LRRIQ1: variants seen among roughly 807,000 people sequenced by gnomAD.
LRRIQ1 encodes leucine-rich repeat- and IQ domain-containing protein 1.
In LRRIQ1, 210 loss-of-function variants were observed where a neutral mutation model predicts 211.9. The observed-to-expected ratio is 0.99, with a 90% CI of 0.89 to 1.11. The LOEUF (loss-of-function observed/expected upper bound fraction) is 1.11. Among genes scored for constraint, LRRIQ1 ranks in the 50% most tolerant of loss-of-function variants. The probability of loss-of-function intolerance (pLI) is 0.00; values close to 1 mark genes in which losing one functional copy is unlikely to be tolerated. For missense variants in LRRIQ1, 2,136 were observed against 1,939.5 expected, an observed-to-expected ratio of 1.10 and a Z score of -1.90; for synonymous variants, 699 against 650.1, an observed-to-expected ratio of 1.08 and a Z score of -1.14.
At chr12:85,195,937 A>G (rs1036665912) in intron 24 of LRRIQ1, among the ~76,000 whole-genome samples, 3 of 151,796 alleles carry the variant, frequency 2.0e-5, no homozygotes, top group Middle Eastern at 3.2e-3. Context: ...CCATCGTCTC[A>G]GCCCAAAATC....
chr12:85,127,188 A>G (rs962051891), intron 17 of LRRIQ1, among the ~76,000 whole-genome samples: 1 of 152,258 alleles, frequency 6.6e-6, no homozygotes, highest in African/African-American at 2.4e-5. Flanking sequence ...TACATTTTAA[A>G]TCACGTTTTG....
intron 24 of LRRIQ1, among the ~76,000 whole-genome samples, 180 bp downstream of exon 24, chr12:85,160,894 G>A (rs1469565790): frequency 6.6e-6 from 1 of 151,872 alleles, no homozygotes; most frequent in Non-Finnish European, 1.5e-5. Context: ...TTAGTGTGCT[G>A]AAATATTGAT....
At chr12:85,111,770 C>G (rs936113145) in intron 15 of LRRIQ1, among the ~76,000 whole-genome samples, 5 of 151,842 alleles carry the variant, frequency 3.3e-5, no homozygotes. Context: ...ATCAGCAAAC[C>G]GATAAGAGAT....
chr12:85,081,678 A>G (rs1236465165), intron 11 of LRRIQ1, among the ~76,000 whole-genome samples: 1 of 136,644 alleles, frequency 7.3e-6, no homozygotes, highest in Non-Finnish European at 1.6e-5. Flanking sequence ...GTTTAATTAT[A>G]TTTGCTGACA....
At chr12:85,123,838 TC>T (rs1888160108) in intron 16 of LRRIQ1, among the ~76,000 whole-genome samples, 1 of 152,158 alleles carries the variant, frequency 6.6e-6, no homozygotes, top group Admixed American at 6.5e-5. Flanking sequence ...TCCTAAAACT[TC>T]CAGACATTTT....
At chr12:85,209,130 A>G (rs1467607992) in intron 24 of LRRIQ1, among the ~76,000 whole-genome samples, 8 of 152,142 alleles carry the variant, frequency 5.3e-5, no homozygotes, top group Non-Finnish European at 1.0e-4. Context: ...ACTTTTCTCA[A>G]TCTCATTTGA....
At chr12:85,257,047 T>TATATATATAATTATATAATTATATAA (rs1565931229) in intron 1 of LRRIQ1, among the ~76,000 whole-genome samples, 23 of 108,638 alleles carry the variant, frequency 2.1e-4, no homozygotes, top group South Asian at 6.8e-4. Context: ...ATTATATAAT[T>TATATATATAATTATATAATTATATAA]ATATATATAA....
chr12:85,232,357 CA>C (rs1764082777), intron 25 of LRRIQ1, among the ~76,000 whole-genome samples: 2 of 152,038 alleles, frequency 1.3e-5, no homozygotes, highest in Admixed American at 1.3e-4. Flanking sequence ...ACGACTAAAA[CA>C]TGTAAGCAAA....
intron 11 of LRRIQ1, among the ~76,000 whole-genome samples, chr12:85,083,355 A>C (rs1884489465): frequency 6.6e-6 from 1 of 152,102 alleles, no homozygotes; most frequent in Non-Finnish European, 1.5e-5. Flanking sequence ...AAAAAAGATG[A>C]CTTTTTAGTT....
At chr12:85,085,120 C>G (rs186447736) in intron 11 of LRRIQ1, among the ~76,000 whole-genome samples, 1 of 151,990 alleles carries the variant, frequency 6.6e-6, no homozygotes, top group East Asian at 1.9e-4. Flanking sequence ...GTGTTTCCCC[C>G]GCCCCCCAAT....
At position 85,262,970 on chromosome 12, in the gene LRRIQ1, T is replaced by C. The variant is rs978118034; in HGVS notation, c.177T>C (p.Ser59=). The change falls in exon 2 of 2, where the codon TCT becomes TCC. Residue 59 remains serine (S), a synonymous_variant. Coordinates refer to the LRRIQ1 transcript ENST00000602731. ...CAATAATAACAAATACAAGACCTTCTAAAAAAGAACGTATATCATTCCGAG... is the reference window on the plus strand; with the variant it reads ...CAATAATAACAAATACAAGACCTTCCAAAAAAGAACGTATATCATTCCGAG... 1.2e-5 allele frequency: 12 copies of C among 987,422 alleles called. No individual in the cohort carries two copies. The African/African-American group carries it at 1.7e-4, about 14-fold the overall frequency. 61.2% of individuals were successfully genotyped at this position (987,422 alleles called of 1,614,324 possible). A position where few individuals can be genotyped will look rare whatever the true frequency, so the allele number is the denominator to read the frequency against.
At chr12:85,047,982 TGGTG>T in intron 6 of LRRIQ1, 1 of 151,876 alleles carries the variant, frequency 6.6e-6, no homozygotes, top group Non-Finnish European at 1.5e-5. Flanking sequence ...TATGTGTTGT[TGGTG>T]TTGTTTTCCC....
intron 25 of LRRIQ1, among the ~76,000 whole-genome samples, chr12:85,230,500 A>G (rs1894881439): frequency 1.3e-5 from 2 of 152,286 alleles, no homozygotes; most frequent in South Asian, 4.1e-4. Flanking sequence ...ATATGATCTT[A>G]TCTACCTTAT....
chr12:85,263,821 A>G (rs1278308695), exon 2 of LRRIQ1: 1 of 152,038 alleles, frequency 6.6e-6, no homozygotes, highest in African/African-American at 2.4e-5. Context: ...AGTTCAACTT[A>G]CCATTTTGTA....
At chr12:85,241,947 C>T (rs1895479861) in intron 26 of LRRIQ1, among the ~76,000 whole-genome samples, 1 of 151,916 alleles carries the variant, frequency 6.6e-6, no homozygotes, top group Non-Finnish European at 1.5e-5. Flanking sequence ...AATCCAAATG[C>T]TTGGAAAGTC....
In LRRIQ1 at chr12:85,217,488, ATATG is replaced by A. The variant is rs1217384651; in HGVS notation, c.4823-12025_4823-12022del. On this transcript the variant is annotated intron_variant, in intron 24 of 26. Transcript: ENST00000393217. ...GAAGTATATATATATATATATATAT[ATATG>A]TATATATATATATATATGTGTGTGT... is the stretch of plus-strand genomic sequence containing the variant. 5.3e-3 allele frequency among the ~76,000 whole-genome samples: 469 copies of A among 87,736 alleles called. 9 individuals carry two copies. Among genetic ancestry groups the A allele is most frequent in the East Asian group, 8.0e-3 (25 of 3,110 alleles). The allele number at this position is 87,736 out of a possible 152,430, so 57.6% of individuals were successfully genotyped here. A position where few individuals can be genotyped will look rare whatever the true frequency, so the allele number is the denominator to read the frequency against.
At position 85,098,865 on chromosome 12, in the gene LRRIQ1, A is replaced by T; in HGVS notation, c.3082-2A>T. The T allele has an allele frequency of 6.5e-7, 1 of 1,543,672 alleles. No individual in the cohort carries two copies. The stretch of plus-strand genomic sequence containing the variant: ...AAACTAATGAACCAAATTTAAATAT[A>T]GCTTCCATCCTTGGAGAATCTTGTT... On this transcript the variant is annotated splice_acceptor_variant, in intron 12 of 26. Coordinates refer to ENST00000393217, the MANE Select transcript of LRRIQ1 (RefSeq NM_001079910.2). LOFTEE classifies it high-confidence loss of function.
At chr12:85,199,259 G>A (rs1323898243) in intron 24 of LRRIQ1, among the ~76,000 whole-genome samples, 1 of 152,096 alleles carries the variant, frequency 6.6e-6, no homozygotes, top group Non-Finnish European at 1.5e-5. Flanking sequence ...TTACATTTAA[G>A]TTTCCAATCC....
intron 24 of LRRIQ1, among the ~76,000 whole-genome samples, chr12:85,199,443 C>T (rs1363437475): frequency 1.3e-5 from 2 of 152,008 alleles, no homozygotes; most frequent in African/African-American, 4.8e-5. Flanking sequence ...TTTCTGGTCT[C>T]TCTATTTGGC....
Sources: allele counts gnomAD v4.1 joint callset (sites outside exome capture counted in the v4.1 genomes callset), GRCh38; gene constraint gnomAD v4.1.1; transcripts MANE v1.5; gene names NCBI Gene and HGNC (gene_info 2026-07-23, HGNC 2026-07-21).